Variants in CCSER1 observed in about 807,000 individuals in gnomAD.
CCSER1 encodes the protein coiled-coil serine rich protein 1.
A neutral mutation model predicts 82.0 loss-of-function variants in CCSER1; 41 were observed. That is an observed-to-expected ratio of 0.50 (90% confidence interval 0.39 to 0.65). The LOEUF (loss-of-function observed/expected upper bound fraction) is 0.65, where lower values mean the gene tolerates loss of function less well. CCSER1 is among the 30% of genes least tolerant of loss of function. CCSER1 has a pLI of 0.00. For synonymous variants in CCSER1, 414 were observed against 383.9 expected, an observed-to-expected ratio of 1.08 and a Z score of -0.92; for missense variants, 1,119 against 1,064.2, an observed-to-expected ratio of 1.05 and a Z score of -0.72.
intron 10 of CCSER1, among the ~76,000 whole-genome samples, chr4:91,507,054 T>A (rs1192690804): frequency 1.3e-5 from 2 of 152,204 alleles, no homozygotes; most frequent in African/African-American, 2.4e-5. Context: ...TATGAATTAT[T>A]TTCACTTTTT....
intron 4 of CCSER1, among the ~76,000 whole-genome samples, chr4:90,430,517 C>T (rs1578429519): frequency 1.3e-5 from 2 of 151,708 alleles, no homozygotes; most frequent in African/African-American, 4.8e-5. Context: ...TATTGCATAG[C>T]GAATTCTAAT....
chr4:90,859,549 A>G (rs534940924), intron 8 of CCSER1, among the ~76,000 whole-genome samples: 2 of 151,920 alleles, frequency 1.3e-5, no homozygotes, highest in Admixed American at 6.6e-5. Context: ...GGATGATAGA[A>G]TTAAAAAATA....
intron 10 of CCSER1, among the ~76,000 whole-genome samples, chr4:91,485,752 C>T (rs532195106): frequency 1.3e-5 from 2 of 152,192 alleles, no homozygotes; most frequent in Admixed American, 6.5e-5. Context: ...CTTAAAATGG[C>T]ATTATTTTCA....
At position 91,386,127 on chromosome 4, in the gene CCSER1, C is replaced by T. The variant is rs530285814; in HGVS notation, c.2218-212445C>T. 2.0e-5 allele frequency among the ~76,000 whole-genome samples: 3 copies of T among 151,464 alleles called. No homozygotes were observed. In the East Asian group the frequency reaches 5.8e-4, roughly 29 times the overall value. ...CCTGTTTTTTTTTTAAATACCATTC[C>T]CCAGTGAATGGACCCAGGGTTCCAC... On this transcript the variant is annotated intron_variant, in intron 10 of 10. Coordinates refer to ENST00000509176, the MANE Select transcript of CCSER1 (RefSeq NM_001145065.2).
intron 9 of CCSER1, among the ~76,000 whole-genome samples, chr4:91,036,283 G>A (rs910685446): frequency 1.3e-5 from 2 of 152,038 alleles, no homozygotes; most frequent in African/African-American, 4.8e-5. Context: ...TATTTACATA[G>A]GAATGTAAGT....
At chr4:90,826,939 A>G (rs1273804896) in intron 8 of CCSER1, among the ~76,000 whole-genome samples, 1 of 152,184 alleles carries the variant, frequency 6.6e-6, no homozygotes, top group African/African-American at 2.4e-5. Context: ...CCGGTCCCCC[A>G]GAAGTGGGGG....
At chr4:90,469,822 C>G (rs761499777) in intron 5 of CCSER1, among the ~76,000 whole-genome samples, 3 of 152,128 alleles carry the variant, frequency 2.0e-5, no homozygotes, top group Non-Finnish European at 2.9e-5. Flanking sequence ...AAGTGTCATG[C>G]AGGTTGAATG....
chr4:90,843,529 AT>A (rs1196605904), intron 8 of CCSER1, among the ~76,000 whole-genome samples: 1 of 152,136 alleles, frequency 6.6e-6, no homozygotes, highest in Non-Finnish European at 1.5e-5. Flanking sequence ...CTTCAGATTA[AT>A]TTTTTTCCTA....
chr4:90,320,191 C>T (rs910529054), intron 3 of CCSER1, among the ~76,000 whole-genome samples: 1 of 151,872 alleles, frequency 6.6e-6, no homozygotes, highest in Admixed American at 6.6e-5. Flanking sequence ...TAATATAGCA[C>T]CTGGTGGAAA....
At position 91,279,597 on chromosome 4, in the gene CCSER1, T is replaced by C. The variant is rs369666902; in HGVS notation, c.2217+193603T>C. The stretch of plus-strand genomic sequence containing the variant: ...CAGTTTAACAGTTTCTATTTGGTTC[T>C]TTTTTGTGATATCTATCTCTTTGGT... On this transcript the variant is annotated intron_variant, in intron 10 of 10. Coordinates refer to ENST00000509176, the MANE Select transcript of CCSER1 (RefSeq NM_001145065.2). 1.2e-4 allele frequency among the ~76,000 whole-genome samples: 18 copies of C among 152,244 alleles called. No homozygotes were observed. In the East Asian group the frequency reaches 2.1e-3, roughly 18 times the overall value.
intron 10 of CCSER1, among the ~76,000 whole-genome samples, chr4:91,086,624 CA>C (rs1242367364): frequency 4.0e-5 from 6 of 151,488 alleles, no homozygotes; most frequent in Admixed American, 1.3e-4. Context: ...TCTAACTGCA[CA>C]AAAAAAATCA....
At chr4:90,553,190 C>G (rs1777735671) in intron 5 of CCSER1, among the ~76,000 whole-genome samples, 1 of 152,124 alleles carries the variant, frequency 6.6e-6, no homozygotes, top group African/African-American at 2.4e-5. Flanking sequence ...CCAGGATGGT[C>G]TCGATCTAAC....
At chr4:90,455,872 C>G (rs538650327) in intron 4 of CCSER1, among the ~76,000 whole-genome samples, 1 of 152,166 alleles carries the variant, frequency 6.6e-6, no homozygotes, top group African/African-American at 2.4e-5. Context: ...GCCGTGCCCC[C>G]TAAACTTCAC....
At chr4:91,372,589 A>T (rs75398761) in intron 10 of CCSER1, among the ~76,000 whole-genome samples, 1 of 152,048 alleles carries the variant, frequency 6.6e-6, no homozygotes, top group Non-Finnish European at 1.5e-5. Context: ...GAATTCTCTA[A>T]ATAGATATGC....
At chr4:90,968,958 G>A (rs183596172) in intron 9 of CCSER1, among the ~76,000 whole-genome samples, 34 of 151,678 alleles carry the variant, frequency 2.2e-4, no homozygotes, top group Middle Eastern at 3.4e-3. Context: ...AAAATGTAAA[G>A]TTCAACAAAG....
At chr4:91,262,795 A>G (rs1741292011) in intron 10 of CCSER1, among the ~76,000 whole-genome samples, 1 of 152,040 alleles carries the variant, frequency 6.6e-6, no homozygotes, top group Non-Finnish European at 1.5e-5. Flanking sequence ...ACTCAACATT[A>G]TACGAGTATA....
intron 7 of CCSER1, among the ~76,000 whole-genome samples, chr4:90,744,625 C>T (rs1387147952): frequency 6.6e-6 from 1 of 152,004 alleles, no homozygotes; most frequent in African/African-American, 2.4e-5. Flanking sequence ...GGCCACAGAC[C>T]AATAGGAACC....
chr4:90,542,331 T>C (rs1237028703), intron 5 of CCSER1, among the ~76,000 whole-genome samples: 1 of 152,104 alleles, frequency 6.6e-6, no homozygotes, highest in Admixed American at 6.6e-5. Flanking sequence ...GCGGATAATA[T>C]TCTGCAGATG....
At chr4:91,131,834 AAT>A (rs1728025461) in intron 10 of CCSER1, among the ~76,000 whole-genome samples, 1 of 151,996 alleles carries the variant, frequency 6.6e-6, no homozygotes, top group African/African-American at 2.4e-5. Flanking sequence ...AATGGGGTGA[AAT>A]AGTGAAAGGC....
Sources: gnomAD v4.1 joint callset for allele counts (sites outside exome capture counted in the v4.1 genomes callset) on GRCh38, gnomAD v4.1.1 for gene constraint, MANE v1.5 for transcripts, NCBI Gene and HGNC (gene_info 2026-07-23, HGNC 2026-07-21) for gene names.